CNTN1: variants seen among roughly 807,000 people sequenced by gnomAD.
CNTN1 encodes the protein contactin 1, also known as contactin-1.
A neutral mutation model predicts 126.4 loss-of-function variants in CNTN1; 38 were observed. The observed-to-expected ratio is 0.30, with a 90% CI of 0.23 to 0.39. The LOEUF (loss-of-function observed/expected upper bound fraction) is 0.39. CNTN1 is among the 10% of genes least tolerant of loss of function. The pLI is 1.00. For missense variants in CNTN1, 1,009 were observed against 1,248.4 expected (o/e 0.81, Z 2.89); for synonymous variants, 413 against 422.6 (o/e 0.98, Z 0.28).
intron 1 of CNTN1, among the ~76,000 whole-genome samples, chr12:40,871,205 A>G (rs868401045): frequency 5.1e-4 from 22 of 43,318 alleles, no homozygotes; most frequent in Middle Eastern, 0.016. Flanking sequence ...AAAAAAAAAA[A>G]AAAAAAAAAC....
At chr12:40,889,996 AT>A (rs1341202296) in intron 1 of CNTN1, among the ~76,000 whole-genome samples, 1 of 152,162 alleles carries the variant, frequency 6.6e-6, no homozygotes, top group Non-Finnish European at 1.5e-5. Context: ...CTAGACTCCT[AT>A]CCATGCGATA....
At chr12:40,843,552 T>C (rs1203599647) in intron 1 of CNTN1, among the ~76,000 whole-genome samples, 1 of 152,216 alleles carries the variant, frequency 6.6e-6, no homozygotes, top group Non-Finnish European at 1.5e-5. Context: ...TTGGTTTACA[T>C]TTGTTATTAA....
intron 1 of CNTN1, among the ~76,000 whole-genome samples, chr12:40,717,679 T>A (rs1565639960): frequency 1.3e-5 from 2 of 152,214 alleles, no homozygotes; most frequent in African/African-American, 2.4e-5. Context: ...TTTCACAGTT[T>A]TATGTAGAAA....
intron 1 of CNTN1, among the ~76,000 whole-genome samples, chr12:40,829,754 T>C (rs1330751759): frequency 6.6e-6 from 1 of 152,172 alleles, no homozygotes; most frequent in Non-Finnish European, 1.5e-5. Flanking sequence ...GAGATATTAC[T>C]ACCTATATAT....
intron 1 of CNTN1, among the ~76,000 whole-genome samples, chr12:40,872,777 G>C (rs1344028161): frequency 4.0e-5 from 6 of 151,666 alleles, no homozygotes; most frequent in Non-Finnish European, 7.4e-5. Context: ...GGTCAGGCTG[G>C]TCTCGAACTC....
intron 17 of CNTN1, among the ~76,000 whole-genome samples, chr12:41,007,498 T>G (rs892887740): frequency 6.6e-6 from 1 of 152,188 alleles, no homozygotes; most frequent in Non-Finnish European, 1.5e-5. Context: ...ACGAGGAGTT[T>G]AGCAGCAGAG....
At chr12:41,006,840 C>T (rs1948504565) in intron 17 of CNTN1, among the ~76,000 whole-genome samples, 1 of 151,946 alleles carries the variant, frequency 6.6e-6, no homozygotes, top group African/African-American at 2.4e-5. Flanking sequence ...GGACTTCATC[C>T]AGATGGCTGG....
intron 1 of CNTN1, among the ~76,000 whole-genome samples, chr12:40,720,894 A>G (rs1223037810): frequency 2.0e-5 from 3 of 151,872 alleles, no homozygotes; most frequent in Admixed American, 6.6e-5. Context: ...GCACCACTGC[A>G]CTCCAGCCTA....
chr12:40,726,864 T>C (rs1942366001), intron 1 of CNTN1, among the ~76,000 whole-genome samples: 1 of 96,640 alleles, frequency 1.0e-5, no homozygotes, highest in African/African-American at 3.7e-5. Flanking sequence ...ATGTATATTT[T>C]CTCTAAAATA....
intron 1 of CNTN1, among the ~76,000 whole-genome samples, chr12:40,777,766 A>T (rs1271233760): frequency 6.6e-6 from 1 of 151,820 alleles, no homozygotes; most frequent in East Asian, 1.9e-4. Flanking sequence ...CCCCGGTCCA[A>T]CTGTTTAGTA....
chr12:40,993,148 G>A lies in CNTN1; in HGVS notation c.1992G>A (p.Glu664=). ...TDPPIIEGNM[E]AARAVDLIPW... is the part of the protein sequence containing the mutation. ...CCCCAATTATTGAAGGAAATATGGAGGCAGCAAGAGCAGTGGACTTAATCC... is the reference window on the plus strand; with the variant it reads ...CCCCAATTATTGAAGGAAATATGGAAGCAGCAAGAGCAGTGGACTTAATCC... Residue 664 remains glutamate, a synonymous_variant, in exon 17 of 24, where the codon GAG becomes GAA. Coordinates refer to ENST00000551295, the MANE Select transcript of CNTN1 (RefSeq NM_001843.4). The A allele has an allele frequency of 6.2e-7, 1 of 1,613,490 alleles. No homozygotes were observed.
intron 23 of CNTN1, among the ~76,000 whole-genome samples, chr12:41,032,408 A>G (rs574394968): frequency 2.0e-5 from 3 of 151,236 alleles, no homozygotes; most frequent in Non-Finnish European, 3.0e-5. Flanking sequence ...AGAAAGAAAG[A>G]TGGCTCACAG....
intron 14 of CNTN1, 25 bp downstream of exon 14, chr12:40,944,195 T>C: frequency 6.4e-7 from 1 of 1,564,940 alleles, no homozygotes; most frequent in Non-Finnish European, 8.8e-7. Flanking sequence ...TTTCATCTTA[T>C]TAACACCCCA....
chr12:40,787,571 A>G (rs2136460096), intron 1 of CNTN1, among the ~76,000 whole-genome samples: 1 of 152,162 alleles, frequency 6.6e-6, no homozygotes, highest in East Asian at 1.9e-4. Context: ...TGACTAATAT[A>G]AGAAAATCTC....
At chr12:40,974,252 T>A (rs1947609958) in intron 15 of CNTN1, among the ~76,000 whole-genome samples, 1 of 152,130 alleles carries the variant, frequency 6.6e-6, no homozygotes, top group Non-Finnish European at 1.5e-5. Flanking sequence ...ATGTATTGAA[T>A]ATGAATTTAT....
chr12:40,974,918 A>G (rs948075257), intron 15 of CNTN1, among the ~76,000 whole-genome samples: 1 of 152,082 alleles, frequency 6.6e-6, no homozygotes, highest in African/African-American at 2.4e-5. Flanking sequence ...TATACCATGT[A>G]AATTTTATAT....
intron 12 of CNTN1, among the ~76,000 whole-genome samples, chr12:40,940,976 T>C (rs1003311210): frequency 6.6e-6 from 1 of 152,194 alleles, no homozygotes; most frequent in African/African-American, 2.4e-5. Context: ...AAACCATTAG[T>C]TCTCTTCCGT....
intron 1 of CNTN1, among the ~76,000 whole-genome samples, chr12:40,733,102 A>C (rs1942539600): frequency 6.6e-6 from 1 of 152,084 alleles, no homozygotes; most frequent in South Asian, 2.1e-4. Context: ...GAGTGGAGAC[A>C]GGTAAACCAG....
chr12:41,050,906 C>A (rs1949660691), intron 23 of CNTN1, among the ~76,000 whole-genome samples: 1 of 152,030 alleles, frequency 6.6e-6, no homozygotes, highest in Non-Finnish European at 1.5e-5. Flanking sequence ...CAAAAATCTA[C>A]TGTATAGCTG....
Sources: gnomAD v4.1 joint callset for allele counts (sites outside exome capture counted in the v4.1 genomes callset) on GRCh38, gnomAD v4.1.1 for gene constraint, MANE v1.5 for transcripts, NCBI Gene and HGNC (gene_info 2026-07-23, HGNC 2026-07-21) for gene names.